The following PCNX1 variants were observed in gnomAD, a reference collection of about 807,000 sequenced individuals.
PCNX1 encodes the protein pecanex 1.
PCNX1 carries 78 observed loss-of-function variants against 242.2 expected under a neutral mutation model. The observed-to-expected ratio is 0.32, with a 90% CI of 0.27 to 0.39. PCNX1 has a LOEUF of 0.39. Among genes scored for constraint, PCNX1 ranks in the 10% least tolerant of loss-of-function variants. The pLI is 1.00. For missense variants in PCNX1, 2,581 were observed against 2,856.5 expected (o/e 0.90, Z 2.20); for synonymous variants, 1,024 against 1,032.9 (o/e 0.99, Z 0.17).
chr14:71,047,010 T>C lies in PCNX1; in HGVS notation c.4065T>C (p.Leu1355=). The change falls in exon 21 of 36, where the codon CTT becomes CTC. Residue 1355 remains leucine, a synonymous_variant. Coordinates refer to ENST00000304743, the MANE Select transcript of PCNX1 (RefSeq NM_014982.3). ...MWFEKLHVWL[L]FVEKNIIYPL... is the part of the protein sequence containing the mutation. ...TTGAGAAACTTCATGTGTGGCTTCT[T>C]TTTGTGGAGAAGAATATAATCTATC... 1 of 1,610,938 alleles carries C rather than the reference T, an allele frequency of 6.2e-7. No individual in the cohort carries two copies. Among genetic ancestry groups the C allele is most frequent in the Non-Finnish European group, 8.5e-7 (1 of 1,178,008 alleles).
At chr14:70,924,252 AAAAG>A (rs1212764660) in intron 1 of PCNX1, among the ~76,000 whole-genome samples, 3 of 151,580 alleles carry the variant, frequency 2.0e-5, no homozygotes, top group Non-Finnish European at 4.4e-5. Flanking sequence ...AAAAAAAAGA[AAAAG>A]AAAAAACAGA....
chr14:70,981,910 A>G (rs1370485609), intron 6 of PCNX1, among the ~76,000 whole-genome samples: 2 of 152,140 alleles, frequency 1.3e-5, no homozygotes, highest in African/African-American at 2.4e-5. Flanking sequence ...TTTACTTACT[A>G]TTCTTTGTGC....
intron 26 of PCNX1, among the ~76,000 whole-genome samples, chr14:71,063,497 C>G (rs2061373558): frequency 6.6e-6 from 1 of 152,040 alleles, no homozygotes; most frequent in Non-Finnish European, 1.5e-5. Context: ...AAGTGTGTAG[C>G]CTTTTCTTCT....
intron 20 of PCNX1, among the ~76,000 whole-genome samples, 165 bp downstream of exon 20, chr14:71,045,448 T>C (rs1049572230): frequency 6.6e-6 from 1 of 152,238 alleles, no homozygotes; most frequent in African/African-American, 2.4e-5. Flanking sequence ...CAGGATGCTT[T>C]AATTTAGCTG....
At chr14:71,099,645 T>G (rs2062409238) in intron 30 of PCNX1, among the ~76,000 whole-genome samples, 1 of 152,234 alleles carries the variant, frequency 6.6e-6, no homozygotes. Context: ...TGTTAGTTTT[T>G]TGCCTCAGTG....
At position 71,050,760 on chromosome 14, in the gene PCNX1, C is replaced by T. The variant is rs1182928265; in HGVS notation, c.4447C>T (p.His1483Tyr). 1.2e-6 allele frequency: 2 copies of T among 1,612,386 alleles called. No individual in the cohort carries two copies. The highest frequency in any genetic ancestry group is 1.7e-6 in the Non-Finnish European group (2 of 1,179,366). Residue 1483 changes from histidine (H) to tyrosine (Y), a missense_variant and splice_region_variant, in exon 23 of 36, where the codon CAT becomes TAT. Physicochemically the swap from His to Tyr is moderately conservative, Grantham distance 83. Coordinates refer to ENST00000304743, the MANE Select transcript of PCNX1 (RefSeq NM_014982.3). ...HAFAQPFAVP[H>Y]SAMLFIQAAV... is the part of the protein sequence containing the mutation. ...TTTTGCTCAGCCTTTTGCAGTGCCT[C>T]GTATCCTTCTAATTAAAGTTTTATA...
rs2058716037 is a variant in PCNX1, at chr14:70,977,305, C to G, written c.968C>G (p.Ser323Cys). The G allele has an allele frequency of 6.2e-7, 1 of 1,614,110 alleles. No homozygotes were observed. Among genetic ancestry groups the G allele is most frequent in the Admixed American group, 1.7e-5 (1 of 60,010 alleles). Reference sequence around the variant, plus strand: ...GAGTTAGAATCTTCCAAGCCTCTTTCTGGATCCAAAGAATCCTTGGTGGAA... The same window carrying G: ...GAGTTAGAATCTTCCAAGCCTCTTTGTGGATCCAAAGAATCCTTGGTGGAA... ...VSELESSKPL[S>C]GSKESLVENS... Residue 323 changes from serine to cysteine, a missense_variant, in exon 6 of 36, where the codon TCT becomes TGT. Transcript: ENST00000304743.
chr14:70,926,261 T>C (rs1378654483), intron 1 of PCNX1, among the ~76,000 whole-genome samples: 1 of 152,100 alleles, frequency 6.6e-6, no homozygotes, highest in Non-Finnish European at 1.5e-5. Context: ...AACTTTTATG[T>C]GCTTTCACTT....
rs752860619 is a variant in PCNX1 at position 71,088,490 on chromosome 14, A to G, written c.5438+60A>G. On this transcript the variant is annotated intron_variant, in intron 29 of 35. Coordinates refer to ENST00000304743, the MANE Select transcript of PCNX1 (RefSeq NM_014982.3). ...ATGGGAAGCTGTATAGCCTAAATCT[A>G]AAATGATTTTTCATGGACGCATGTA... 122 of 996,768 alleles carry G rather than the reference A, an allele frequency of 1.2e-4. 1 individual carries two copies. The highest frequency in any genetic ancestry group is 7.8e-4 in the South Asian group (58 of 74,664). The allele number at this position is 996,768 out of a possible 1,614,324, so 61.7% of individuals were successfully genotyped here.
intron 26 of PCNX1, among the ~76,000 whole-genome samples, chr14:71,071,438 T>C (rs2061584294): frequency 6.6e-6 from 1 of 152,150 alleles, no homozygotes. Context: ...ATACCCAGTG[T>C]TGGAGGAGGG....
intron 15 of PCNX1, among the ~76,000 whole-genome samples, chr14:71,028,456 T>A (rs2060295617): frequency 6.6e-6 from 1 of 151,998 alleles, no homozygotes; most frequent in African/African-American, 2.4e-5. Context: ...TTGCTACATA[T>A]AAATGTTTAT....
At chr14:70,995,326 C>T (rs1459309951) in intron 7 of PCNX1, among the ~76,000 whole-genome samples, 5 of 152,142 alleles carry the variant, frequency 3.3e-5, no homozygotes, top group African/African-American at 9.7e-5. Flanking sequence ...AAGAACAATT[C>T]TAGAGTTATT....
intron 6 of PCNX1, among the ~76,000 whole-genome samples, chr14:70,980,648 T>G (rs567966907): frequency 6.6e-6 from 1 of 152,242 alleles, no homozygotes; most frequent in African/African-American, 2.4e-5. Flanking sequence ...TTTGAAAGGT[T>G]GGAGGTGGTA....
chr14:70,993,696 A>AG (rs911550893), intron 7 of PCNX1, among the ~76,000 whole-genome samples: 2 of 152,202 alleles, frequency 1.3e-5, no homozygotes, highest in African/African-American at 4.8e-5. Context: ...GTGAAAAAAA[A>AG]TCGATAGAAA....
intron 2 of PCNX1, among the ~76,000 whole-genome samples, chr14:70,949,665 G>A (rs1399604283): frequency 6.6e-6 from 1 of 152,040 alleles, no homozygotes; most frequent in Admixed American, 6.6e-5. Context: ...ACTCCTCCTG[G>A]AGGCTTTCCT....
At position 70,933,934 on chromosome 14, in the gene PCNX1, A is replaced by G. The variant is rs2056900319; in HGVS notation, c.154-12981A>G. On this transcript the variant is annotated intron_variant, in intron 1 of 35. Transcript: ENST00000304743. ...ACAGCTACAAGTATATTAAGGAAGCAGGCTTTGGCTACAATGTACTTCCAG... is the reference window on the plus strand; with the variant it reads ...ACAGCTACAAGTATATTAAGGAAGCGGGCTTTGGCTACAATGTACTTCCAG... Among the ~76,000 whole-genome samples, 4 of 152,224 alleles carry G rather than the reference A, an allele frequency of 2.6e-5. 1 individual carries two copies. In the East Asian group the frequency reaches 5.8e-4, roughly 22 times the overall value.
intron 1 of PCNX1, among the ~76,000 whole-genome samples, chr14:70,912,253 G>GA (rs968675286): frequency 1.9e-4 from 29 of 151,422 alleles, no homozygotes; most frequent in African/African-American, 7.0e-4. Flanking sequence ...AAAGAAAAAA[G>GA]AAAAAAAAGA....
rs1366966598 is a variant in PCNX1 at position 71,013,159 on chromosome 14, G to C, written c.2953G>C (p.Gly985Arg). 1 of 1,614,124 alleles carries C rather than the reference G, an allele frequency of 6.2e-7. No individual in the cohort carries two copies. The highest frequency in any genetic ancestry group is 8.5e-7 in the Non-Finnish European group (1 of 1,180,006). ...RFWILPQLWI[G>R]INFDRLTLLA... Reference sequence around the variant, plus strand: ...TTGGATCCTACCCCAGCTGTGGATTGGCATTAACTTTGACAGACTCACACT... The same window carrying C: ...TTGGATCCTACCCCAGCTGTGGATTCGCATTAACTTTGACAGACTCACACT... The change falls in exon 11 of 36, where the codon GGC (glycine) becomes CGC (arginine). Residue 985 changes from glycine (G) to arginine (R), a missense_variant. This residue lies in a region of PCNX1 where 1,204 missense variants were observed against 1,216.7 expected (regional missense o/e 0.99). Transcript: ENST00000304743.
intron 15 of PCNX1, 55 bp from the exon 16 acceptor site, chr14:71,028,645 A>G: frequency 9.7e-7 from 1 of 1,031,472 alleles, no homozygotes; most frequent in Admixed American, 2.1e-5. Flanking sequence ...TGACCTTTTA[A>G]TTATTTTCAT....
Sources: allele counts gnomAD v4.1 joint callset (sites outside exome capture counted in the v4.1 genomes callset), GRCh38; gene constraint gnomAD v4.1.1; regional missense constraint gnomAD v4.1.1; transcripts MANE v1.5; gene names NCBI Gene and HGNC (gene_info 2026-07-23, HGNC 2026-07-21).